The following TENM4 variants were observed in gnomAD, a reference collection of about 807,000 sequenced individuals.
TENM4 encodes teneurin-4.
Under a neutral mutation model 243.3 loss-of-function variants are expected in TENM4, and 82 were observed. The ratio of observed to expected loss-of-function variants is 0.34; its 90% CI spans 0.28 to 0.40. The LOEUF is 0.40. Ranked by LOEUF, TENM4 falls within the 10% of genes least tolerant of loss-of-function variation. TENM4 has a pLI of 1.00. For synonymous variants in TENM4, 1,412 were observed against 1,456.3 expected (o/e 0.97, Z 0.69); for missense variants, 3,138 against 3,673.3 (o/e 0.85, Z 3.77).
chr11:79,296,733 C>T (rs537235656), intron 2 of TENM4, among the ~76,000 whole-genome samples: 3 of 152,366 alleles, frequency 2.0e-5, no homozygotes, highest in African/African-American at 7.2e-5. Context: ...TTGGCCCACT[C>T]TTTCAGCCAT....
intron 6 of TENM4, among the ~76,000 whole-genome samples, chr11:79,019,004 C>T (rs1185882511): frequency 2.0e-5 from 3 of 152,182 alleles, no homozygotes; most frequent in Non-Finnish European, 2.9e-5. Flanking sequence ...TGGGTTTCTT[C>T]TGGGGGACTC....
intron 6 of TENM4, among the ~76,000 whole-genome samples, chr11:78,974,723 CT>C (rs5792830): frequency 0.35 from 44,757 of 128,876 alleles, 6,845 homozygotes; most frequent in African/African-American, 0.38. Flanking sequence ...CTTTTCTTTT[CT>C]TTTTTTTTTT....
At chr11:79,333,815 A>G (rs1402947260) in intron 1 of TENM4, among the ~76,000 whole-genome samples, 1 of 152,244 alleles carries the variant, frequency 6.6e-6, no homozygotes, top group African/African-American at 2.4e-5. Flanking sequence ...TAAGACTCAA[A>G]GAGGTGAAGT....
chr11:78,710,948 G>A (rs528231866), intron 26 of TENM4, among the ~76,000 whole-genome samples: 2 of 152,338 alleles, frequency 1.3e-5, no homozygotes, highest in South Asian at 4.1e-4. Context: ...AAACCTAAGA[G>A]AGTAGAATGT....
rs550964368 is a variant in TENM4 at position 79,358,444 on chromosome 11, C to G, written c.-320-60901G>C. 3.9e-5 allele frequency among the ~76,000 whole-genome samples: 6 copies of G among 152,272 alleles called. No homozygotes were observed. The East Asian group carries it at 7.7e-4, about 20-fold the overall frequency. On this transcript the variant is annotated intron_variant, in intron 1 of 33. Coordinates refer to ENST00000278550, the MANE Select transcript of TENM4 (RefSeq NM_001098816.3). ...AGCAGAGGCAGGAAGCTCTGTCAAT[C>G]ATTCATGGGCCGGATGAAAAATGCT...
At chr11:78,709,941 A>G (rs548796622) in intron 26 of TENM4, among the ~76,000 whole-genome samples, 1 of 152,362 alleles carries the variant, frequency 6.6e-6, no homozygotes, top group African/African-American at 2.4e-5. Flanking sequence ...CGTGGGATAC[A>G]GATGAGACAT....
rs186882581 is a variant in TENM4 at position 78,656,958 on chromosome 11, C to G, written c.*1100G>C. The stretch of plus-strand genomic sequence containing the variant: ...AGCATTTTTCCAGAATCAAAGGCCA[C>G]CAAGCACCTCCCTCCACATTCCTAC... On this transcript the variant is annotated 3_prime_UTR_variant, in exon 34 of 34. Coordinates refer to ENST00000278550, the MANE Select transcript of TENM4 (RefSeq NM_001098816.3). 1.6e-4 allele frequency: 63 copies of G among 398,454 alleles called. No homozygotes were observed. Among genetic ancestry groups the G allele is most frequent in the African/African-American group, 1.2e-3 (58 of 48,758 alleles). 24.7% of individuals were successfully genotyped at this position (398,454 alleles called of 1,614,324 possible).
At chr11:79,410,293 A>G (rs1858670342) in intron 1 of TENM4, among the ~76,000 whole-genome samples, 1 of 152,098 alleles carries the variant, frequency 6.6e-6, no homozygotes. Context: ...AACTAAGACA[A>G]TATCTAAGGT....
intron 15 of TENM4, among the ~76,000 whole-genome samples, chr11:78,800,650 T>C (rs1309023040): frequency 6.6e-6 from 1 of 152,030 alleles, no homozygotes; most frequent in East Asian, 1.9e-4. Flanking sequence ...GGTTAAGTCA[T>C]TCATGCAATA....
At chr11:79,179,759 T>C (rs1188776898) in intron 3 of TENM4, among the ~76,000 whole-genome samples, 1 of 151,806 alleles carries the variant, frequency 6.6e-6, no homozygotes. Context: ...GTTTGACATA[T>C]AGAAGGTGCT....
At chr11:78,791,034 TG>T (rs566376084) in intron 15 of TENM4, among the ~76,000 whole-genome samples, 45 of 152,268 alleles carry the variant, frequency 3.0e-4, no homozygotes, top group Non-Finnish European at 5.6e-4. Flanking sequence ...CTTTACAAGC[TG>T]GGTTGTGAGC....
At chr11:79,358,455 C>T (rs879357226) in intron 1 of TENM4, among the ~76,000 whole-genome samples, 8 of 152,046 alleles carry the variant, frequency 5.3e-5, no homozygotes, top group Non-Finnish European at 1.0e-4. Flanking sequence ...ATTCATGGGC[C>T]GGATGAAAAA....
At chr11:79,092,218 C>A (rs1309217722) in intron 4 of TENM4, among the ~76,000 whole-genome samples, 2 of 152,208 alleles carry the variant, frequency 1.3e-5, no homozygotes, top group Non-Finnish European at 2.9e-5. Context: ...TTGGGGAGCG[C>A]CCAGTCTGGT....
chr11:79,318,653 A>G (rs865901507), intron 1 of TENM4, among the ~76,000 whole-genome samples: 1 of 152,232 alleles, frequency 6.6e-6, no homozygotes, highest in Non-Finnish European at 1.5e-5. Context: ...AATAGACATC[A>G]GTAACCTCTG....
Position 78,658,606 on chromosome 11 carries a change from T to G in TENM4, c.7762A>C (p.Asn2588His), listed in dbSNP as rs917022901. ...GCAGCAACCCTTCGCCCATCCTCAT[T>G]GGCCACACTGATGATGTCTGTGGTC... ...RVTTDIISVANEDGRRVAAIL... is the reference protein window; with the variant it reads ...RVTTDIISVAHEDGRRVAAIL... Residue 2588 changes from asparagine (N) to histidine (H), a missense_variant, in exon 34 of 34, where the codon AAT becomes CAT. By Grantham distance (68) the Asn-to-His change is moderately conservative (BLOSUM62 1). Coordinates refer to ENST00000278550, the MANE Select transcript of TENM4 (RefSeq NM_001098816.3). 6 of 1,613,900 alleles carry G rather than the reference T, an allele frequency of 3.7e-6. No homozygotes were observed. The highest frequency in any genetic ancestry group is 5.1e-6 in the Non-Finnish European group (6 of 1,179,896).
chr11:78,957,680 G>A (rs1857236127), intron 6 of TENM4, among the ~76,000 whole-genome samples: 1 of 152,232 alleles, frequency 6.6e-6, no homozygotes, highest in Non-Finnish European at 1.5e-5. Flanking sequence ...TGAGAAATTT[G>A]TAAGGCAAGG....
At chr11:79,271,638 A>G (rs1238433938) in intron 2 of TENM4, among the ~76,000 whole-genome samples, 1 of 152,132 alleles carries the variant, frequency 6.6e-6, no homozygotes, top group African/African-American at 2.4e-5. Context: ...GGCTGGGTGG[A>G]GCCCAGGTCT....
intron 18 of TENM4, among the ~76,000 whole-genome samples, chr11:78,761,873 T>C (rs763065047): frequency 1.3e-5 from 2 of 152,126 alleles, no homozygotes; most frequent in Non-Finnish European, 2.9e-5. Context: ...GTCTGCTGAC[T>C]CTGAAATTAT....
chr11:78,738,616 C>A, intron 19 of TENM4, 46 bp from the exon 20 acceptor site: 2 of 1,586,618 alleles, frequency 1.3e-6, no homozygotes, highest in South Asian at 2.3e-5. Context: ...CTTTCATGGT[C>A]AGAGCCCTGG....
Sources: gnomAD v4.1 joint callset for allele counts (sites outside exome capture counted in the v4.1 genomes callset) on GRCh38, gnomAD v4.1.1 for gene constraint, MANE v1.5 for transcripts, NCBI Gene and HGNC (gene_info 2026-07-23, HGNC 2026-07-21) for gene names.